PPIL4: variants seen among roughly 807,000 people sequenced by gnomAD.
PPIL4 encodes the protein peptidyl-prolyl cis-trans isomerase-like 4.
In PPIL4, 50 loss-of-function variants were observed where a neutral mutation model predicts 69.1. The ratio of observed to expected loss-of-function variants is 0.72; its 90% CI spans 0.58 to 0.92. PPIL4 has a LOEUF of 0.92. Ranked by LOEUF, PPIL4 falls within the 40% of genes least tolerant of loss-of-function variation. The pLI, the probability that PPIL4 is intolerant of heterozygous loss-of-function variation, is 0.00. For synonymous variants in PPIL4, 193 were observed against 191.6 expected (o/e 1.01, Z -0.06); for missense variants, 480 against 587.9 (o/e 0.82, Z 1.90).
At chr6:149,541,608 A>AT in intron 1 of PPIL4, 22 bp from the exon 2 acceptor site, 1 of 1,305,112 alleles carries the variant, frequency 7.7e-7, no homozygotes, top group Admixed American at 1.7e-5. Context: ...TAAATACCAA[A>AT]TTTATCACAG....
intron 12 of PPIL4, among the ~76,000 whole-genome samples, chr6:149,506,289 A>C (rs1776769671): frequency 1.3e-5 from 2 of 151,978 alleles, no homozygotes; most frequent in East Asian, 3.9e-4. Context: ...GACCAGCCTG[A>C]CCAACATGGA....
At position 149,504,959 on chromosome 6, in the gene PPIL4, T is replaced by C. The variant is rs1332192580; in HGVS notation, c.*494A>G. 1 of 152,362 alleles carries C rather than the reference T, an allele frequency of 6.6e-6. No homozygotes were observed. The highest frequency in any genetic ancestry group is 6.5e-5 in the Admixed American group (1 of 15,274). The allele number at this position is 152,362 out of a possible 1,614,324, so 9.4% of individuals were successfully genotyped here. On this transcript the variant is annotated 3_prime_UTR_variant, in exon 13 of 13. Transcript: ENST00000253329. Reference sequence around the variant, plus strand: ...GCCATTTATATAAAATTCAGAAACATACAAAATTAACATTTCACTTACAGA... The same window carrying C: ...GCCATTTATATAAAATTCAGAAACACACAAAATTAACATTTCACTTACAGA...
intron 12 of PPIL4, 130 bp from the exon 13 acceptor site, chr6:149,505,834 C>A: frequency 1.4e-6 from 1 of 703,420 alleles, no homozygotes; most frequent in Non-Finnish European, 2.3e-6. Context: ...AACACTACCA[C>A]TAATGTCAAG....
In PPIL4 at chr6:149,541,500, C is replaced by T. The variant is rs773940609; in HGVS notation, c.138+19G>A. On this transcript the variant is annotated intron_variant, in intron 2 of 12. Coordinates refer to ENST00000253329, the MANE Select transcript of PPIL4 (RefSeq NM_139126.4). ...ATAGTTCCAATAACAAAGGAAATGA[C>T]TAATATCTACCAACTCACCTGTACA... 9 of 1,532,110 alleles carry T rather than the reference C, an allele frequency of 5.9e-6. No homozygotes were observed. The East Asian group carries it at 2.0e-4, about 35-fold the overall frequency. The allele number at this position is 1,532,110 out of a possible 1,614,324, so 94.9% of individuals were successfully genotyped here.
chr6:149,519,240 G>A (rs1193360303), intron 10 of PPIL4, among the ~76,000 whole-genome samples: 1 of 152,104 alleles, frequency 6.6e-6, no homozygotes, highest in African/African-American at 2.4e-5. Context: ...TGTGACTCTA[G>A]GTAAATCACT....
chr6:149,524,952 A>T (rs1421482256), intron 9 of PPIL4, among the ~76,000 whole-genome samples, 191 bp downstream of exon 9: 1 of 152,142 alleles, frequency 6.6e-6, no homozygotes, highest in African/African-American at 2.4e-5. Context: ...ACCTGAACCT[A>T]AAGTAAAAGT....
intron 1 of PPIL4, among the ~76,000 whole-genome samples, chr6:149,544,651 A>T (rs1199663116): frequency 6.6e-6 from 1 of 152,226 alleles, no homozygotes; most frequent in Non-Finnish European, 1.5e-5. Flanking sequence ...AGCTTCAAAG[A>T]AGAGATGATG....
At chr6:149,520,654 T>G (rs1476800666) in intron 10 of PPIL4, among the ~76,000 whole-genome samples, 2 of 151,962 alleles carry the variant, frequency 1.3e-5, no homozygotes, top group Non-Finnish European at 2.9e-5. Flanking sequence ...TGGCAGGAGT[T>G]ACATCAATTA....
intron 11 of PPIL4, 68 bp from the exon 12 acceptor site, chr6:149,512,370 T>C (rs1171696915): frequency 1.6e-6 from 2 of 1,252,382 alleles, no homozygotes; most frequent in Non-Finnish European, 2.3e-6. Context: ...TAAGATCTGG[T>C]AAACAAAGGA....
chr6:149,541,583 C>G lies in PPIL4; in HGVS notation c.74G>C (p.Cys25Ser), dbSNP rs758482873. ...TTTGCACAGTTTCAAGAAATTCAAG[C>G]AGGCTGAAAGAAAGTAAATACCAAA... ...DLYTEERPRA[C>S]LNFLKLCKIK... Residue 25 changes from cysteine (C) to serine (S), a missense_variant, in exon 2 of 13, where the codon TGC becomes TCC. Cys to Ser is a moderately radical substitution (Grantham distance 112). Coordinates refer to ENST00000253329, the MANE Select transcript of PPIL4 (RefSeq NM_139126.4). The G allele has an allele frequency of 7.1e-6, 11 of 1,551,422 alleles. No homozygotes were observed. The Admixed American group carries it at 1.7e-4, about 24-fold the overall frequency.
At chr6:149,519,320 A>T (rs1159111941) in intron 10 of PPIL4, among the ~76,000 whole-genome samples, 1 of 152,172 alleles carries the variant, frequency 6.6e-6, no homozygotes, top group Non-Finnish European at 1.5e-5. Context: ...ACACTTCCCA[A>T]ATGATACAAT....
At position 149,526,662 on chromosome 6, in the gene PPIL4, G is replaced by T. The variant is rs1777111881; in HGVS notation, c.793C>A (p.Pro265Thr). Residue 265 changes from proline to threonine, a missense_variant, in exon 8 of 13, where the codon CCA becomes ACA. By Grantham distance (38) the Pro-to-Thr change is conservative. Coordinates refer to ENST00000253329, the MANE Select transcript of PPIL4 (RefSeq NM_139126.4). The stretch of plus-strand genomic sequence containing the variant: ...AATTCTAAGGATTACCTTCTTATTG[G>T]CCCAAATCTAGAGAATATTATTTCC... ...DLEIIFSRFG[P>T]IRSCEVIRDW... 4 of 1,607,422 alleles carry T rather than the reference G, an allele frequency of 2.5e-6. No homozygotes were observed. The South Asian group carries it at 3.3e-5, about 13-fold the overall frequency.
At chr6:149,505,799 A>G (rs1776761699) in intron 12 of PPIL4, 95 bp from the exon 13 acceptor site, 1 of 1,144,148 alleles carries the variant, frequency 8.7e-7, no homozygotes, top group Admixed American at 2.3e-5. Context: ...TACCATTAGA[A>G]GGCTGTTATA....
chr6:149,508,838 T>TA lies in PPIL4; in HGVS notation c.1228-3135dup, dbSNP rs1282701814. On this transcript the variant is annotated intron_variant, in intron 12 of 12. Coordinates refer to ENST00000253329, the MANE Select transcript of PPIL4 (RefSeq NM_139126.4). ...TTGATTAGTAAGGCTAGTTACTCAA[T>TA]AAAAAACAAAGAATTTGAAGAAATA... 2.0e-5 allele frequency among the ~76,000 whole-genome samples: 3 copies of TA among 152,054 alleles called. No individual in the cohort carries two copies. The East Asian group carries it at 5.8e-4, about 29-fold the overall frequency.
At chr6:149,537,384 C>T (rs1181439505) in intron 4 of PPIL4, among the ~76,000 whole-genome samples, 2 of 152,140 alleles carry the variant, frequency 1.3e-5, no homozygotes, top group African/African-American at 4.8e-5. Context: ...TGCTCACTGA[C>T]TATACCAAAA....
chr6:149,544,290 A>G (rs1467052903), intron 1 of PPIL4, among the ~76,000 whole-genome samples: 5 of 152,242 alleles, frequency 3.3e-5, no homozygotes, highest in African/African-American at 1.2e-4. Context: ...AGCTTACCCC[A>G]GTATTATGAG....
At chr6:149,519,585 C>CTAA (rs760398775) in intron 10 of PPIL4, among the ~76,000 whole-genome samples, 1 of 152,178 alleles carries the variant, frequency 6.6e-6, no homozygotes, top group Non-Finnish European at 1.5e-5. Flanking sequence ...ACAGGAGAAA[C>CTAA]TAATAGTACA....
rs367758833 is a variant in PPIL4, at chr6:149,505,486, C to G, written c.1446G>C (p.Lys482Asn). Residue 482 changes from lysine (K) to asparagine (N), a missense_variant, in exon 13 of 13, where the codon AAG becomes AAC. By Grantham distance (94) the Lys-to-Asn change is moderately conservative (BLOSUM62 0). Transcript: ENST00000253329. ...KKRDRSRSPKKSKDKEKSKYR is the reference protein window; with the variant it reads ...KKRDRSRSPKNSKDKEKSKYR The stretch of plus-strand genomic sequence containing the variant: ...ACTTAGATTTTTCTTTATCTTTGGA[C>G]TTCTTTGGACTTCTGCTTCGGTCTC... 6.2e-7 allele frequency: 1 copy of G among 1,612,960 alleles called. No individual in the cohort carries two copies. The highest frequency in any genetic ancestry group is 8.5e-7 in the Non-Finnish European group (1 of 1,179,686).
Position 149,505,689 on chromosome 6 carries a change from T to C in PPIL4, c.1243A>G (p.Met415Val), listed in dbSNP as rs1220822816. Reference protein sequence around the residue: ...KNTNQDIYREMGFGHYEEEES... With the variant: ...KNTNQDIYREVGFGHYEEEES... ...TCTTCTTCATAGTGACCAAACCCCA[T>C]TTCTCTATAGATATCCTGTCAAAGG... Residue 415 changes from methionine to valine, a missense_variant, in exon 13 of 13, where the codon ATG becomes GTG. Physicochemically the swap from Met to Val is conservative, Grantham distance 21. Transcript: ENST00000253329. The C allele has an allele frequency of 1.2e-6, 2 of 1,613,436 alleles. No individual in the cohort carries two copies. Among genetic ancestry groups the C allele is most frequent in the South Asian group, 2.2e-5 (2 of 91,030 alleles).
Sources: gnomAD v4.1 joint callset for allele counts (sites outside exome capture counted in the v4.1 genomes callset) on GRCh38, gnomAD v4.1.1 for gene constraint, MANE v1.5 for transcripts, NCBI Gene and HGNC (gene_info 2026-07-23, HGNC 2026-07-21) for gene names.